UNC5D: variants seen among roughly 807,000 people sequenced by gnomAD.
UNC5D encodes unc-5 netrin receptor D.
In UNC5D, 39 loss-of-function variants were observed where a neutral mutation model predicts 105.4. The ratio of observed to expected loss-of-function variants is 0.37; its 90% confidence interval spans 0.29 to 0.48. The LOEUF (loss-of-function observed/expected upper bound fraction) is 0.48, where lower values mean the gene tolerates loss of function less well. Ranked by LOEUF, UNC5D falls within the 20% of genes least tolerant of loss-of-function variation. The pLI, the probability that UNC5D is intolerant of heterozygous loss-of-function variation, is 0.98. For synonymous variants in UNC5D, 452 were observed against 450.4 expected (o/e 1.00, Z -0.04); for missense variants, 991 against 1,202.4 (o/e 0.82, Z 2.60).
chr8:35,534,213 C>T (rs980269295), intron 1 of UNC5D, among the ~76,000 whole-genome samples: 9 of 152,108 alleles, frequency 5.9e-5, no homozygotes, highest in Non-Finnish European at 1.0e-4. Context: ...GGTAATGTAG[C>T]ATATATCTAG....
intron 3 of UNC5D, among the ~76,000 whole-genome samples, chr8:35,589,646 T>G (rs1381188288): frequency 6.6e-6 from 1 of 152,160 alleles, no homozygotes; most frequent in African/African-American, 2.4e-5. Context: ...TTTGCTGTCC[T>G]TCCCCATACT....
chr8:35,488,270 C>A (rs1026863109), intron 1 of UNC5D, among the ~76,000 whole-genome samples: 2 of 152,108 alleles, frequency 1.3e-5, no homozygotes. Flanking sequence ...CTACCTGGGA[C>A]TAAAGGTTAC....
chr8:35,635,928 C>T (rs529415064), intron 4 of UNC5D, among the ~76,000 whole-genome samples: 8 of 152,246 alleles, frequency 5.3e-5, no homozygotes, highest in South Asian at 2.1e-4. Flanking sequence ...CTTCATCCCT[C>T]ACGGAAACCA....
Position 35,237,516 on chromosome 8 carries a change from G to A in UNC5D, c.103+1629G>A, listed in dbSNP as rs4739396. ...TCACCCTTGGAATTGGGTTGGTGAC[G>A]TTGTCTTGAAGCCAGCTCGAAACAA... On this transcript the variant is annotated intron_variant, in intron 1 of 16. Coordinates refer to ENST00000404895, the MANE Select transcript of UNC5D (RefSeq NM_080872.4). 2.6e-3 allele frequency among the ~76,000 whole-genome samples: 399 copies of A among 151,920 alleles called. 2 individuals are homozygous for A. The highest frequency in any genetic ancestry group is 9.2e-3 in the African/African-American group (380 of 41,432).
chr8:35,308,093 A>C (rs892271535), intron 1 of UNC5D, among the ~76,000 whole-genome samples: 5 of 148,302 alleles, frequency 3.4e-5, no homozygotes, highest in South Asian at 2.2e-4. Flanking sequence ...TTCCTATTTT[A>C]AGCCTTTTCT....
At chr8:35,506,552 G>A (rs553811741) in intron 1 of UNC5D, among the ~76,000 whole-genome samples, 1 of 152,304 alleles carries the variant, frequency 6.6e-6, no homozygotes, top group South Asian at 2.1e-4. Flanking sequence ...AAGAATTTGA[G>A]GACTGAAGAT....
At chr8:35,556,362 C>T (rs1816551114) in intron 2 of UNC5D, among the ~76,000 whole-genome samples, 1 of 152,080 alleles carries the variant, frequency 6.6e-6, no homozygotes, top group Non-Finnish European at 1.5e-5. Flanking sequence ...GCATGCGATT[C>T]AGTCATTCAG....
In UNC5D at chr8:35,770,294, A is replaced by G. The variant is rs1801953504; in HGVS notation, c.2478+3228A>G. ...ATTTTTAAATATTAATAAGATATCT[A>G]TCTCAAATACTGCTTTAAATCTTTA... On this transcript the variant is annotated intron_variant, in intron 15 of 16. Coordinates refer to ENST00000404895, the MANE Select transcript of UNC5D (RefSeq NM_080872.4). Among the ~76,000 whole-genome samples, 3 of 152,218 alleles carry G rather than the reference A, an allele frequency of 2.0e-5. No individual in the cohort carries two copies. The East Asian group carries it at 5.8e-4, about 29-fold the overall frequency.
At chr8:35,603,548 GT>G (rs1241311210) in intron 4 of UNC5D, among the ~76,000 whole-genome samples, 1 of 152,106 alleles carries the variant, frequency 6.6e-6, no homozygotes, top group Non-Finnish European at 1.5e-5. Context: ...TTCTGTAGAT[GT>G]CTATTAGGTC....
At chr8:35,642,431 A>G (rs909257050) in intron 4 of UNC5D, among the ~76,000 whole-genome samples, 52 of 152,102 alleles carry the variant, frequency 3.4e-4, no homozygotes, top group Non-Finnish European at 1.3e-4. Flanking sequence ...TAGCAACAAC[A>G]TGATACAATT....
At chr8:35,314,271 G>A (rs546291261) in intron 1 of UNC5D, among the ~76,000 whole-genome samples, 127 of 152,186 alleles carry the variant, frequency 8.3e-4, no homozygotes, top group Non-Finnish European at 1.3e-3. Flanking sequence ...TACATATTTC[G>A]ATCGAAACGA....
At chr8:35,363,905 A>T (rs550689172) in intron 1 of UNC5D, among the ~76,000 whole-genome samples, 4 of 152,264 alleles carry the variant, frequency 2.6e-5, no homozygotes, top group African/African-American at 9.6e-5. Flanking sequence ...ATTCTAGGCT[A>T]GGCATGGTGA....
At chr8:35,321,071 C>A (rs2128885741) in intron 1 of UNC5D, among the ~76,000 whole-genome samples, 1 of 152,230 alleles carries the variant, frequency 6.6e-6, no homozygotes, top group Middle Eastern at 3.4e-3. Flanking sequence ...ACCTTGGCTC[C>A]AATAACCTCT....
intron 1 of UNC5D, among the ~76,000 whole-genome samples, chr8:35,472,724 G>A (rs1177280548): frequency 6.6e-6 from 1 of 152,174 alleles, no homozygotes; most frequent in Non-Finnish European, 1.5e-5. Flanking sequence ...CTCAAAAGAG[G>A]AAAAGTGAGT....
intron 15 of UNC5D, 141 bp downstream of exon 15, chr8:35,767,207 G>A: frequency 9.3e-7 from 1 of 1,072,046 alleles, no homozygotes; most frequent in Non-Finnish European, 1.3e-6. Context: ...ACTGATGAGG[G>A]AAAATAAGCT....
intron 1 of UNC5D, among the ~76,000 whole-genome samples, chr8:35,448,415 C>G (rs1807935999): frequency 6.6e-6 from 1 of 151,990 alleles, no homozygotes; most frequent in African/African-American, 2.4e-5. Context: ...TTTTTCCCTG[C>G]TTTAATTAAT....
At position 35,793,844 on chromosome 8, in the gene UNC5D, T is replaced by C. The variant is rs1004832347; in HGVS notation, c.*3281T>C. ...AGATGAAAAAGAATTGACACAGTTC[T>C]CTTTAAAGAGAAGAACTTTTTTATT... On this transcript the variant is annotated 3_prime_UTR_variant, in exon 17 of 17. Transcript: ENST00000404895. The C allele has an allele frequency of 2.0e-5, 3 of 152,572 alleles. No individual in the cohort carries two copies. The highest frequency in any genetic ancestry group is 2.0e-4 in the Admixed American group (3 of 15,288). 9.5% of individuals were successfully genotyped at this position (152,572 alleles called of 1,614,324 possible).
intron 1 of UNC5D, among the ~76,000 whole-genome samples, chr8:35,305,936 CTGA>C (rs1808382720): frequency 1.4e-5 from 2 of 139,608 alleles, no homozygotes; most frequent in Admixed American, 1.5e-4. Context: ...CTCTCTCTCT[CTGA>C]TGTTTTTTCT....
At chr8:35,606,680 A>T (rs1820314289) in intron 4 of UNC5D, among the ~76,000 whole-genome samples, 2 of 152,198 alleles carry the variant, frequency 1.3e-5, no homozygotes. Context: ...CTTGTTGAAG[A>T]CATAAATTTA....
Sources: allele counts gnomAD v4.1 joint callset (sites outside exome capture counted in the v4.1 genomes callset), GRCh38; gene constraint gnomAD v4.1.1; transcripts MANE v1.5; gene names NCBI Gene and HGNC (gene_info 2026-07-23, HGNC 2026-07-21).